Variants in EPC2 observed in about 807,000 individuals in gnomAD.
EPC2 encodes enhancer of polycomb homolog 2.
EPC2 carries 14 observed loss-of-function variants against 92.1 expected under a neutral mutation model. The observed-to-expected ratio is 0.15, with a 90% CI of 0.10 to 0.24. EPC2 has a LOEUF of 0.24. Ranked by LOEUF, EPC2 falls within the 10% of genes least tolerant of loss-of-function variation. The pLI is 1.00. For missense variants in EPC2, 755 were observed against 971.5 expected (o/e 0.78, Z 2.96); for synonymous variants, 340 against 334.7 (o/e 1.02, Z -0.17).
chr2:148,691,685 GT>G, intron 2 of EPC2: 1 of 1,409,032 alleles, frequency 7.1e-7, no homozygotes. Context: ...TTGTTCATTT[GT>G]TTTTGGACCA....
At chr2:148,775,649 C>CA (rs2105435420) in intron 10 of EPC2, among the ~76,000 whole-genome samples, 1 of 6,192 alleles carries the variant, frequency 1.6e-4, no homozygotes, top group Admixed American at 1.8e-3. Context: ...TAAATAAAAT[C>CA]TTTAAATAAA....
intron 1 of EPC2, among the ~76,000 whole-genome samples, chr2:148,652,321 G>C (rs745607188): frequency 1.3e-5 from 2 of 152,182 alleles, no homozygotes; most frequent in Non-Finnish European, 2.9e-5. Flanking sequence ...TGTATACTTA[G>C]TGTGTTTTTA....
intron 4 of EPC2, among the ~76,000 whole-genome samples, chr2:148,758,460 A>G (rs986619131): frequency 9.2e-5 from 14 of 152,160 alleles, no homozygotes; most frequent in African/African-American, 3.1e-4. Flanking sequence ...TAGTGGTGCA[A>G]TCTCGCCCCA....
intron 2 of EPC2, among the ~76,000 whole-genome samples, chr2:148,704,981 A>G (rs1293839761): frequency 6.6e-6 from 1 of 151,800 alleles, no homozygotes; most frequent in African/African-American, 2.4e-5. Context: ...GGGGAACCCA[A>G]TGTATCTGTC....
intron 4 of EPC2, among the ~76,000 whole-genome samples, chr2:148,755,036 C>A (rs1273584490): frequency 6.6e-6 from 1 of 152,124 alleles, no homozygotes; most frequent in African/African-American, 2.4e-5. Context: ...GAAAGCTTGT[C>A]CTTGTCAGCT....
chr2:148,648,353 T>A (rs904402597), intron 1 of EPC2, among the ~76,000 whole-genome samples: 2 of 152,250 alleles, frequency 1.3e-5, no homozygotes, highest in African/African-American at 4.8e-5. Flanking sequence ...TATGTATTTA[T>A]AAAAATGGTT....
intron 2 of EPC2, among the ~76,000 whole-genome samples, chr2:148,721,286 T>C (rs1682368687): frequency 6.6e-6 from 1 of 151,984 alleles, no homozygotes; most frequent in Admixed American, 6.6e-5. Flanking sequence ...TTTTGAAGGG[T>C]ATTTTCACAG....
intron 2 of EPC2, among the ~76,000 whole-genome samples, chr2:148,697,645 A>G (rs964976743): frequency 6.6e-6 from 1 of 152,202 alleles, no homozygotes; most frequent in African/African-American, 2.4e-5. Context: ...TAAATCAAAG[A>G]CATTAGAGGG....
intron 3 of EPC2, among the ~76,000 whole-genome samples, chr2:148,746,265 T>C (rs1252620701): frequency 6.6e-6 from 1 of 152,058 alleles, no homozygotes; most frequent in Non-Finnish European, 1.5e-5. Context: ...CTTTTGGTTT[T>C]GCCTATTAAC....
Position 148,644,978 on chromosome 2 carries a change from G to A in EPC2, c.-40G>A. ...TCCTCCCCCCCTCCCCGCCCGCCCC[G>A]CCGCCGCCGCCCGGGCTGTTCCTGT... On this transcript the variant is annotated 5_prime_UTR_variant, in exon 1 of 14. Transcript: ENST00000258484. 9.0e-7 allele frequency: 1 copy of A among 1,110,770 alleles called. No homozygotes were observed. Among genetic ancestry groups the A allele is most frequent in the South Asian group, 1.4e-5 (1 of 72,540 alleles). 68.8% of individuals were successfully genotyped at this position (1,110,770 alleles called of 1,614,324 possible). A position where few individuals can be genotyped will look rare whatever the true frequency, so the allele number is the denominator to read the frequency against.
At chr2:148,770,714 G>A in intron 8 of EPC2, 78 bp from the exon 9 acceptor site, 1 of 1,421,462 alleles carries the variant, frequency 7.0e-7, no homozygotes, top group African/African-American at 1.4e-5. Flanking sequence ...GTTACTTCAT[G>A]TTTATCATGA....
At chr2:148,718,273 A>AT (rs947937853) in intron 2 of EPC2, among the ~76,000 whole-genome samples, 1 of 151,114 alleles carries the variant, frequency 6.6e-6, no homozygotes, top group African/African-American at 2.4e-5. Flanking sequence ...TGCGGATTTG[A>AT]TTCTCTCATC....
At chr2:148,692,167 A>G (rs78516414) in intron 2 of EPC2, 5,647 of 220,404 alleles carry the variant, frequency 0.026, 86 homozygotes, top group Middle Eastern at 0.036. Context: ...TGGATGTGCT[A>G]TTGAAGTCTT....
At chr2:148,661,513 T>G (rs1490512231) in intron 1 of EPC2, among the ~76,000 whole-genome samples, 1 of 152,164 alleles carries the variant, frequency 6.6e-6, no homozygotes, top group Non-Finnish European at 1.5e-5. Context: ...TACATTTCCC[T>G]GTTGTGTTTG....
Position 148,666,489 on chromosome 2 carries a change from CT to C in EPC2, c.153+21323del, listed in dbSNP as rs756403103. Reference sequence around the variant, plus strand: ...ATTTTTAATTTATTGCATACCGATACTTTTGTCAGGTACAATAAAAATACAG... The same window carrying C: ...ATTTTTAATTTATTGCATACCGATACTTTGTCAGGTACAATAAAAATACAG... On this transcript the variant is annotated intron_variant, in intron 1 of 13. Transcript: ENST00000258484. Among the ~76,000 whole-genome samples, 4 of 152,294 alleles carry C rather than the reference CT, an allele frequency of 2.6e-5. No individual in the cohort carries two copies. The South Asian group carries it at 8.3e-4, about 32-fold the overall frequency.
chr2:148,702,091 GTCT>G (rs1467844362), intron 2 of EPC2, among the ~76,000 whole-genome samples: 4 of 151,274 alleles, frequency 2.6e-5, no homozygotes, highest in African/African-American at 7.3e-5. Flanking sequence ...TTAGTCATTT[GTCT>G]TCTTTTTTTT....
chr2:148,706,992 A>G (rs973180716), intron 2 of EPC2, among the ~76,000 whole-genome samples: 2 of 152,202 alleles, frequency 1.3e-5, no homozygotes, highest in Non-Finnish European at 2.9e-5. Context: ...AGATTCACAC[A>G]TATCAATATT....
intron 10 of EPC2, among the ~76,000 whole-genome samples, chr2:148,772,821 A>G (rs1004700673): frequency 1.3e-5 from 2 of 151,722 alleles, no homozygotes; most frequent in Non-Finnish European, 2.9e-5. Context: ...ATATTAAATC[A>G]AATCTTTTTT....
At chr2:148,651,434 T>G (rs909584839) in intron 1 of EPC2, among the ~76,000 whole-genome samples, 6 of 152,160 alleles carry the variant, frequency 3.9e-5, no homozygotes, top group African/African-American at 1.2e-4. Flanking sequence ...AAAAACCGTT[T>G]AAAACATAGA....
Sources: gnomAD v4.1 joint callset for allele counts (sites outside exome capture counted in the v4.1 genomes callset) on GRCh38, gnomAD v4.1.1 for gene constraint, MANE v1.5 for transcripts, NCBI Gene and HGNC (gene_info 2026-07-23, HGNC 2026-07-21) for gene names.